RBM44: variants seen among roughly 807,000 people sequenced by gnomAD.
The protein encoded by RBM44 is RNA-binding protein 44.
A neutral mutation model predicts 105.1 loss-of-function variants in RBM44; 66 were observed. That is an observed-to-expected ratio of 0.63 (90% CI 0.52 to 0.77). RBM44 has a LOEUF of 0.77. Among genes scored for constraint, RBM44 ranks in the 30% least tolerant of loss-of-function variants. The pLI is 0.00. For synonymous variants in RBM44, 365 were observed against 417.6 expected (o/e 0.87, Z 1.54); for missense variants, 1,122 against 1,207.8 (o/e 0.93, Z 1.05).
chr2:237,817,823 A>G lies in RBM44; in HGVS notation c.904A>G (p.Asn302Asp). ...ATTTGATGGCAGTGTACTAAGAAGC[A>G]ATTCTCCAGGAAACCAGGAATCTCA... is the stretch of plus-strand genomic sequence containing the variant. ...TVFDGSVLRS[N>D]SPGNQESQSK... The change falls in exon 3 of 16, where the codon AAT becomes GAT. Residue 302 changes from asparagine (N) to aspartate (D), a missense_variant. Coordinates refer to ENST00000316997, the MANE Select transcript of RBM44 (RefSeq NM_001080504.3). The G allele has an allele frequency of 1.2e-6, 2 of 1,612,404 alleles. No homozygotes were observed. The highest frequency in any genetic ancestry group is 1.7e-6 in the Non-Finnish European group (2 of 1,179,294).
At chr2:237,838,406 GA>G (rs1490423074) in intron 15 of RBM44, among the ~76,000 whole-genome samples, 1 of 152,080 alleles carries the variant, frequency 6.6e-6, no homozygotes, top group Non-Finnish European at 1.5e-5. Flanking sequence ...GTTCTCTGGG[GA>G]AAAAAGTGAT....
chr2:237,800,696 T>TA (rs897376754), intron 1 of RBM44, among the ~76,000 whole-genome samples: 6 of 147,874 alleles, frequency 4.1e-5, no homozygotes, highest in African/African-American at 7.4e-5. Context: ...ATTACCCAAA[T>TA]AAAAAAAAAT....
rs989122036 is a variant in RBM44 at position 237,842,794 on chromosome 2, A to G, written c.*978A>G. ...TGTTGTATTTATATTTAATAAAGGC[A>G]TCTAATCTTTAGTACCACTGTGAAT... On this transcript the variant is annotated 3_prime_UTR_variant, in exon 16 of 16. Coordinates refer to ENST00000316997, the MANE Select transcript of RBM44 (RefSeq NM_001080504.3). 6.6e-6 allele frequency: 1 copy of G among 152,090 alleles called. No individual in the cohort carries two copies. The highest frequency in any genetic ancestry group is 6.5e-5 in the Admixed American group (1 of 15,272). 9.4% of individuals were successfully genotyped at this position (152,090 alleles called of 1,614,324 possible). A position where few individuals can be genotyped will look rare whatever the true frequency, so the allele number is the denominator to read the frequency against.
At position 237,819,528 on chromosome 2, in the gene RBM44, C is replaced by A. The variant is rs573157738; in HGVS notation, c.1736+569C>A. On this transcript the variant is annotated intron_variant, in intron 4 of 15. Transcript: ENST00000316997. ...CATTCTTCTAATATGTTTAATCTGG[C>A]GTTTCAGTTCTATACAATTAAATTA... 1.3e-4 allele frequency among the ~76,000 whole-genome samples: 20 copies of A among 151,958 alleles called. No individual in the cohort carries two copies. In the South Asian group the frequency reaches 1.5e-3, roughly 11 times the overall value.
In RBM44 at chr2:237,817,167, T is replaced by A; in HGVS notation, c.248T>A (p.Val83Glu). The A allele has an allele frequency of 6.2e-7, 1 of 1,606,498 alleles. No homozygotes were observed. Among genetic ancestry groups the A allele is most frequent in the Non-Finnish European group, 8.5e-7 (1 of 1,176,984 alleles). ...KMDLLEPFFS[V>E]SQDTNTESTQ... The stretch of plus-strand genomic sequence containing the variant: ...GATTTATTAGAGCCATTTTTTTCAG[T>A]GAGTCAAGATACTAACACAGAGAGT... The change falls in exon 3 of 16, where the codon GTG (valine) becomes GAG (glutamate). Residue 83 changes from valine to glutamate, a missense_variant. By Grantham distance (121) the Val-to-Glu change is moderately radical (BLOSUM62 -2). Coordinates refer to ENST00000316997, the MANE Select transcript of RBM44 (RefSeq NM_001080504.3).
intron 10 of RBM44, 129 bp downstream of exon 10, chr2:237,824,548 T>A: frequency 1.4e-6 from 1 of 737,320 alleles, no homozygotes; most frequent in Non-Finnish European, 2.1e-6. Context: ...CTTTTCTTTA[T>A]AAATAAAAAA....
At position 237,824,246 on chromosome 2, in the gene RBM44, T is replaced by C. The variant is rs376434436; in HGVS notation, c.2321-45T>C. ...GTTTTAAGGTAACTTTTCAGTGTGT[T>C]GGACGTTACGTGTCATTCATAGCTC... On this transcript the variant is annotated intron_variant, in intron 9 of 15. Coordinates refer to ENST00000316997, the MANE Select transcript of RBM44 (RefSeq NM_001080504.3). 49 of 1,604,482 alleles carry C rather than the reference T, an allele frequency of 3.1e-5. No homozygotes were observed. In the South Asian group the frequency reaches 3.2e-4, roughly 11 times the overall value.
intron 1 of RBM44, among the ~76,000 whole-genome samples, chr2:237,801,200 T>G (rs2061542988): frequency 6.6e-6 from 1 of 152,066 alleles, no homozygotes; most frequent in Non-Finnish European, 1.5e-5. Context: ...TGCATGCCTA[T>G]AGTTCAGCCA....
rs199755747 is a variant in RBM44, at chr2:237,818,184, A to G, written c.1265A>G (p.Gln422Arg). 4.7e-4 allele frequency: 759 copies of G among 1,613,198 alleles called. No homozygotes were observed. The highest frequency in any genetic ancestry group is 6.0e-4 in the Non-Finnish European group (703 of 1,179,504). The change falls in exon 3 of 16, where the codon CAG (glutamine) becomes CGG (arginine). Residue 422 changes from glutamine to arginine, a missense_variant. Physicochemically the swap from Gln to Arg is conservative, Grantham distance 43. Around this residue, in one of 3 missense-constraint regions of RBM44, gnomAD observed 918 missense variants for 955.3 expected, o/e 0.96. Transcript: ENST00000316997. The surrounding 1 kb of genome is among the most constrained non-coding windows in gnomAD (Gnocchi z 4.6). ...MLPKIAVRDN[Q>R]AIEDNTSLKV... ...CCAAAGATCGCAGTCAGAGATAATC[A>G]GGCAATAGAAGATAATACGTCCCTA...
At chr2:237,815,253 A>G (rs754187030) in intron 2 of RBM44, among the ~76,000 whole-genome samples, 1 of 152,110 alleles carries the variant, frequency 6.6e-6, no homozygotes, top group Non-Finnish European at 1.5e-5. Flanking sequence ...TATATAAAAG[A>G]CTCCTAAACA....
rs758925795 is a variant in RBM44 at position 237,820,313 on chromosome 2, T to C, written c.1875T>C (p.Ile625=). ...TGTGTCGTCGCCATTGTTGTGATAT[T>C]TACAAACTTGTCATGGAAAATAGGG... ...YQMCRRHCCD[I]YKLVMENREG... Residue 625 remains isoleucine, a synonymous_variant, in exon 5 of 16, where the codon ATT becomes ATC. Coordinates refer to ENST00000316997, the MANE Select transcript of RBM44 (RefSeq NM_001080504.3). 6.3e-7 allele frequency: 1 copy of C among 1,599,160 alleles called. No individual in the cohort carries two copies. The highest frequency in any genetic ancestry group is 8.5e-7 in the Non-Finnish European group (1 of 1,172,806).
intron 1 of RBM44, among the ~76,000 whole-genome samples, chr2:237,802,790 A>G (rs560795858): frequency 2.6e-5 from 4 of 152,326 alleles, no homozygotes; most frequent in Admixed American, 6.5e-5. Context: ...TGATTCTCCA[A>G]AGAAAGGTAT....
chr2:237,838,329 G>A (rs2061979007), intron 15 of RBM44, among the ~76,000 whole-genome samples: 1 of 151,956 alleles, frequency 6.6e-6, no homozygotes, highest in Admixed American at 6.6e-5. Context: ...TAATTATCTT[G>A]CAAATAAAAA....
intron 8 of RBM44, among the ~76,000 whole-genome samples, chr2:237,822,073 G>A (rs763864228): frequency 3.3e-5 from 5 of 151,992 alleles, no homozygotes; most frequent in Non-Finnish European, 5.9e-5. Context: ...GACTTTTGAG[G>A]TTGAAAGAGT....
chr2:237,830,454 T>G (rs1375355023), intron 13 of RBM44, among the ~76,000 whole-genome samples: 1 of 152,150 alleles, frequency 6.6e-6, no homozygotes, highest in African/African-American at 2.4e-5. Flanking sequence ...TTTTTTAGTA[T>G]TTATGAAGTA....
intron 15 of RBM44, among the ~76,000 whole-genome samples, chr2:237,839,070 C>T (rs570622000): frequency 6.1e-4 from 93 of 152,272 alleles, no homozygotes; most frequent in African/African-American, 2.2e-3. Flanking sequence ...GGAACCCCCA[C>T]CCCAAAATCA....
rs150487579 is a variant in RBM44 at position 237,818,997 on chromosome 2, G to GA, written c.1736+44dup. On this transcript the variant is annotated intron_variant, in intron 4 of 15. Transcript: ENST00000316997. The surrounding 1 kb of genome is among the most constrained non-coding windows in gnomAD (Gnocchi z 4.6). ...TATATGCTTACAGATACATCTGGAA[G>GA]AAAAAATCAAAATAGTATTTGCTTT... is the stretch of plus-strand genomic sequence containing the variant. The GA allele has an allele frequency of 0.027, 29,720 of 1,090,670 alleles. 561 individuals are homozygous for GA. Among genetic ancestry groups the GA allele is most frequent in the East Asian group, 0.048 (1,787 of 37,296 alleles). The allele number at this position is 1,090,670 out of a possible 1,614,324, so 67.6% of individuals were successfully genotyped here. A position where few individuals can be genotyped will look rare whatever the true frequency, so the allele number is the denominator to read the frequency against.
intron 2 of RBM44, 26 bp downstream of exon 2, chr2:237,813,708 ATTC>A: frequency 6.9e-7 from 1 of 1,456,492 alleles, no homozygotes; most frequent in South Asian, 1.1e-5. Context: ...ACTTACCCTT[ATTC>A]TTGGTGGGGA....
intron 1 of RBM44, among the ~76,000 whole-genome samples, chr2:237,799,615 CTT>C (rs2061525663): frequency 6.6e-6 from 1 of 152,060 alleles, no homozygotes; most frequent in Non-Finnish European, 1.5e-5. Context: ...CAGGGCCTGA[CTT>C]TTTAAGGAAA....
Sources: gnomAD v4.1 joint callset for allele counts (sites outside exome capture counted in the v4.1 genomes callset) on GRCh38, gnomAD v4.1.1 for gene constraint, gnomAD v4.1.1 regional missense constraint, Gnocchi (gnomAD v3.1) non-coding constraint, MANE v1.5 for transcripts, NCBI Gene and HGNC (gene_info 2026-07-23, HGNC 2026-07-21) for gene names.